SCOC: variants seen among roughly 807,000 people sequenced by gnomAD.
SCOC encodes short coiled-coil protein.
A neutral mutation model predicts 9.9 loss-of-function variants in SCOC; 7 were observed. The observed-to-expected ratio is 0.71, with a 90% confidence interval of 0.40 to 1.33. The LOEUF (loss-of-function observed/expected upper bound fraction) is 1.33. Among genes scored for constraint, SCOC ranks in the 40% most tolerant of loss-of-function variants. The probability of loss-of-function intolerance (pLI) is 0.01; values close to 1 mark genes in which losing one functional copy is unlikely to be tolerated. For synonymous variants in SCOC, 19 were observed against 28.2 expected (o/e 0.67, Z 1.03); for missense variants, 66 against 89.7 (o/e 0.74, Z 1.07).
intron 1 of SCOC, among the ~76,000 whole-genome samples, chr4:140,305,369 A>G (rs1472516511): frequency 2.0e-5 from 3 of 152,212 alleles, no homozygotes; most frequent in Non-Finnish European, 4.4e-5. Flanking sequence ...TCTAGATGTT[A>G]TAATTGCTGG....
At chr4:140,341,808 G>A (rs1726520914), upstream of SCOC, among the ~76,000 whole-genome samples, 3 of 152,164 alleles carry the variant, frequency 2.0e-5, no homozygotes, top group Admixed American at 1.3e-4. Flanking sequence ...CAGTAACTAA[G>A]TGCTGTGTGA....
chr4:140,271,913 A>G (rs1427902116), intron 1 of SCOC, among the ~76,000 whole-genome samples: 4 of 152,070 alleles, frequency 2.6e-5, no homozygotes, highest in African/African-American at 9.7e-5. Context: ...CCAGCCTTGG[A>G]AAGGTGGAAT....
chr4:140,322,681 G>C (rs918105954), intron 1 of SCOC, among the ~76,000 whole-genome samples: 4 of 152,164 alleles, frequency 2.6e-5, no homozygotes, highest in Admixed American at 1.3e-4. Context: ...TGTGAGAAGA[G>C]AGAAACAATT....
chr4:140,268,252 C>T (rs974992178), intron 1 of SCOC, among the ~76,000 whole-genome samples: 6 of 152,206 alleles, frequency 3.9e-5, no homozygotes, highest in Non-Finnish European at 7.4e-5. Context: ...CCCCATATAA[C>T]GTTTGTATCT....
exon 1 of SCOC, chr4:140,343,468 A>G: frequency 1.8e-6 from 1 of 551,302 alleles, no homozygotes. Flanking sequence ...TGCAACACTC[A>G]GGTGAGAACT....
At chr4:140,348,800 A>G (rs1350450069) in intron 2 of SCOC, among the ~76,000 whole-genome samples, 2 of 152,186 alleles carry the variant, frequency 1.3e-5, no homozygotes, top group East Asian at 3.8e-4. Flanking sequence ...ACTTTTCTAT[A>G]GTAGCTGTAC....
At chr4:140,330,616 T>C (rs1732791501) in intron 1 of SCOC, among the ~76,000 whole-genome samples, 2 of 152,170 alleles carry the variant, frequency 1.3e-5, no homozygotes, top group African/African-American at 4.8e-5. Flanking sequence ...CAAGTATCAA[T>C]TGCTTGGTTC....
intron 1 of SCOC, among the ~76,000 whole-genome samples, chr4:140,290,464 C>G (rs1731439348): frequency 1.3e-5 from 2 of 152,200 alleles, no homozygotes; most frequent in Admixed American, 1.3e-4. Flanking sequence ...TCATTTCCAT[C>G]TTACAATAGA....
intron 1 of SCOC, among the ~76,000 whole-genome samples, chr4:140,316,423 A>C (rs893830550): frequency 3.3e-5 from 5 of 152,232 alleles, no homozygotes; most frequent in African/African-American, 1.2e-4. Flanking sequence ...CAATCTATGT[A>C]TATAGCATTA....
intron 2 of SCOC, among the ~76,000 whole-genome samples, chr4:140,362,305 T>TCCTC (rs1357436782): frequency 3.2e-3 from 29 of 9,206 alleles, no homozygotes; most frequent in Admixed American, 8.6e-3. Flanking sequence ...TCTTCTTTTT[T>TCCTC]TTTTTTTTTT....
Position 140,346,651 on chromosome 4 carries a change from G to C in SCOC, c.70+2943G>C, listed in dbSNP as rs541668819. On this transcript the variant is annotated intron_variant, in intron 2 of 4. Transcript: ENST00000338517. ...CCTGGTAGTATGGAGCAGTGAGAAC[G>C]GGCAATGCCAGTAGTTACTCAAGTC... Among the ~76,000 whole-genome samples, 6 of 152,262 alleles carry C rather than the reference G, an allele frequency of 3.9e-5. No homozygotes were observed. In the East Asian group the frequency reaches 1.2e-3, roughly 29 times the overall value.
chr4:140,351,533 G>A (rs955390024), intron 2 of SCOC, among the ~76,000 whole-genome samples: 2 of 152,034 alleles, frequency 1.3e-5, no homozygotes, highest in African/African-American at 2.4e-5. Flanking sequence ...GTCTGCTTTT[G>A]GTGTCGGCCA....
chr4:140,343,975 C>A (rs576680019), intron 2 of SCOC, among the ~76,000 whole-genome samples: 1 of 152,008 alleles, frequency 6.6e-6, no homozygotes, highest in African/African-American at 2.4e-5. Flanking sequence ...GTTCAGGAAA[C>A]ATGATGTCAA....
intron 1 of SCOC, among the ~76,000 whole-genome samples, chr4:140,281,981 C>G (rs934237178): frequency 2.0e-5 from 3 of 152,100 alleles, no homozygotes; most frequent in Non-Finnish European, 2.9e-5. Context: ...ATAAATAACA[C>G]CCTTAATCAT....
chr4:140,343,147 C>T (rs1726568138), upstream of SCOC, among the ~76,000 whole-genome samples: 1 of 152,076 alleles, frequency 6.6e-6, no homozygotes, highest in Non-Finnish European at 1.5e-5. Context: ...CAGACTTATC[C>T]TCATATTACA....
At chr4:140,313,791 GTT>G (rs142732219) in intron 1 of SCOC, among the ~76,000 whole-genome samples, 1 of 149,000 alleles carries the variant, frequency 6.7e-6, no homozygotes, top group Non-Finnish European at 1.5e-5. Flanking sequence ...ATTCAGTCCT[GTT>G]TTTTTTTTAA....
intron 1 of SCOC, among the ~76,000 whole-genome samples, chr4:140,267,786 C>A (rs1397448811): frequency 2.0e-5 from 3 of 152,138 alleles, no homozygotes; most frequent in Non-Finnish European, 4.4e-5. Flanking sequence ...GGATTCCTCA[C>A]CCCACCCTGG....
intron 1 of SCOC, among the ~76,000 whole-genome samples, chr4:140,293,864 C>T (rs779329356): frequency 2.0e-5 from 3 of 152,124 alleles, no homozygotes. Flanking sequence ...GAGAGTAAAG[C>T]AGAGCCAGTG....
intron 1 of SCOC, among the ~76,000 whole-genome samples, chr4:140,334,799 G>C (rs964308355): frequency 1.3e-5 from 2 of 151,978 alleles, no homozygotes; most frequent in East Asian, 3.9e-4. Flanking sequence ...CCATGAGTTT[G>C]ACTATTTTAG....
Sources: gnomAD v4.1 joint callset for allele counts (sites outside exome capture counted in the v4.1 genomes callset) on GRCh38, gnomAD v4.1.1 for gene constraint, MANE v1.5 for transcripts, NCBI Gene and HGNC (gene_info 2026-07-23, HGNC 2026-07-21) for gene names.